The following MBD5 variants were observed in gnomAD, a reference collection of about 807,000 sequenced individuals.
The protein encoded by MBD5 is methyl-CpG-binding domain protein 5.
In MBD5, 13 loss-of-function variants were observed where a neutral mutation model predicts 117.3. That is an observed-to-expected ratio of 0.11 (90% CI 0.07 to 0.18). The LOEUF is 0.18. Among genes scored for constraint, MBD5 ranks in the 10% least tolerant of loss-of-function variants. The pLI, the probability that MBD5 is intolerant of heterozygous loss-of-function variation, is 1.00. For synonymous variants in MBD5, 727 were observed against 766.4 expected (o/e 0.95, Z 0.85); for missense variants, 1,879 against 2,093.8 (o/e 0.90, Z 2.00).
intron 2 of MBD5, among the ~76,000 whole-genome samples, chr2:148,188,086 G>A (rs1036705163): frequency 6.6e-6 from 1 of 152,172 alleles, no homozygotes; most frequent in African/African-American, 2.4e-5. Context: ...CTTATTGAGT[G>A]CCTACCCGAT....
intron 12 of MBD5, among the ~76,000 whole-genome samples, chr2:148,507,708 C>T (rs1173326028): frequency 6.7e-6 from 1 of 149,608 alleles, no homozygotes; most frequent in East Asian, 2.0e-4. Flanking sequence ...TGCAGTGAGC[C>T]GAGACTGCGC....
intron 3 of MBD5, among the ~76,000 whole-genome samples, chr2:148,236,364 A>T (rs1700092196): frequency 6.6e-6 from 1 of 152,146 alleles, no homozygotes. Context: ...TACATTTCTT[A>T]AGTAGACTTG....
At chr2:148,075,837 A>AT (rs1397501019) in intron 1 of MBD5, among the ~76,000 whole-genome samples, 2 of 152,186 alleles carry the variant, frequency 1.3e-5, no homozygotes, top group Non-Finnish European at 2.9e-5. Context: ...AGAGTTAAAT[A>AT]TACCAGTAAG....
chr2:148,274,597 G>A (rs1161327883), intron 3 of MBD5, among the ~76,000 whole-genome samples: 2 of 152,102 alleles, frequency 1.3e-5, no homozygotes, highest in Non-Finnish European at 2.9e-5. Flanking sequence ...AAGAAGGATG[G>A]TAAAATTTCT....
At chr2:148,333,951 G>A (rs1238775245) in intron 3 of MBD5, among the ~76,000 whole-genome samples, 3 of 152,132 alleles carry the variant, frequency 2.0e-5, no homozygotes, top group Non-Finnish European at 2.9e-5. Flanking sequence ...AGAGGGAAAA[G>A]TACTTGGCCA....
At chr2:148,201,394 C>G (rs1372275833) in intron 2 of MBD5, among the ~76,000 whole-genome samples, 3 of 152,266 alleles carry the variant, frequency 2.0e-5, no homozygotes, top group African/African-American at 7.2e-5. Context: ...CCCTGAAGCC[C>G]CAGAGGGGGA....
intron 1 of MBD5, among the ~76,000 whole-genome samples, chr2:148,122,993 CTGGGG>C (rs1377653276): frequency 1.3e-5 from 2 of 152,118 alleles, no homozygotes. Flanking sequence ...GATAGACAGG[CTGGGG>C]TGAGCAATGA....
At chr2:148,069,970 A>G (rs1695307532) in intron 1 of MBD5, among the ~76,000 whole-genome samples, 1 of 152,112 alleles carries the variant, frequency 6.6e-6, no homozygotes, top group African/African-American at 2.4e-5. Context: ...TCTTCAAGCT[A>G]TTTTGAAATA....
At chr2:148,418,166 G>C (rs972862551) in intron 4 of MBD5, among the ~76,000 whole-genome samples, 1 of 152,026 alleles carries the variant, frequency 6.6e-6, no homozygotes, top group African/African-American at 2.4e-5. Context: ...TTGCTGCTTT[G>C]AGTTTCTTGT....
intron 3 of MBD5, among the ~76,000 whole-genome samples, chr2:148,234,243 A>G (rs1307012469): frequency 2.6e-5 from 4 of 152,194 alleles, no homozygotes; most frequent in African/African-American, 9.6e-5. Context: ...GATTTCATAC[A>G]AAGAAACTAT....
At chr2:148,510,167 T>C in intron 13 of MBD5, 32 bp downstream of exon 13, 1 of 1,496,726 alleles carries the variant, frequency 6.7e-7, no homozygotes, top group Non-Finnish European at 9.3e-7. Context: ...TTATACTACG[T>C]TTCTTTGAAA....
At chr2:148,394,445 T>C (rs1704648320) in intron 4 of MBD5, among the ~76,000 whole-genome samples, 3 of 152,020 alleles carry the variant, frequency 2.0e-5, no homozygotes. Flanking sequence ...CATTTCTATC[T>C]TCAAATATTT....
In MBD5 at chr2:148,469,905, C is replaced by T. The variant is rs139953766; in HGVS notation, c.1962C>T (p.Asp654=). 40 of 1,613,938 alleles carry T rather than the reference C, an allele frequency of 2.5e-5. No individual in the cohort carries two copies. Among genetic ancestry groups the T allele is most frequent in the Middle Eastern group, 3.3e-4 (2 of 6,058 alleles). The change falls in exon 8 of 14, where the codon GAC becomes GAT. Residue 654 remains aspartate (D), a synonymous_variant. Coordinates refer to ENST00000642680, the MANE Select transcript of MBD5 (RefSeq NM_001378120.1). ...ATAAGCTGATGTCTCAGCAAAAAGA[C>T]GCATTGCGGAAAAGAAAACAACCAC... ...LRDKLMSQQK[D]ALRKRKQPPT...
intron 4 of MBD5, among the ~76,000 whole-genome samples, chr2:148,386,259 C>A (rs532670345): frequency 2.0e-5 from 3 of 152,108 alleles, no homozygotes; most frequent in Admixed American, 2.0e-4. Context: ...TACATTCAGC[C>A]AATGGGATCC....
intron 3 of MBD5, among the ~76,000 whole-genome samples, chr2:148,277,739 T>C (rs1701149234): frequency 6.6e-6 from 1 of 152,182 alleles, no homozygotes; most frequent in Non-Finnish European, 1.5e-5. Flanking sequence ...TATTGTCCTC[T>C]TTCTTCTTTC....
chr2:148,106,150 G>T, intron 1 of MBD5, among the ~76,000 whole-genome samples: 1 of 151,868 alleles, frequency 6.6e-6, no homozygotes, highest in African/African-American at 2.4e-5. Context: ...CTTTATATAA[G>T]GATAATTGTT....
chr2:148,452,632 T>A (rs1018338408), intron 4 of MBD5, among the ~76,000 whole-genome samples: 3 of 152,218 alleles, frequency 2.0e-5, no homozygotes, highest in Non-Finnish European at 4.4e-5. Flanking sequence ...AGCATCCTGT[T>A]GAAATATGTT....
At chr2:148,235,812 T>G (rs1700079797) in intron 3 of MBD5, among the ~76,000 whole-genome samples, 1 of 144,172 alleles carries the variant, frequency 6.9e-6, no homozygotes, top group African/African-American at 2.5e-5. Flanking sequence ...TTTTGGGGGG[T>G]GGCGGGGACA....
intron 4 of MBD5, among the ~76,000 whole-genome samples, chr2:148,410,996 C>T (rs1705229634): frequency 6.6e-6 from 1 of 152,026 alleles, no homozygotes; most frequent in Admixed American, 6.6e-5. Context: ...GTTTTTTGAC[C>T]TTCACCTTCC....
Sources: gnomAD v4.1 joint callset for allele counts (sites outside exome capture counted in the v4.1 genomes callset) on GRCh38, gnomAD v4.1.1 for gene constraint, MANE v1.5 for transcripts, NCBI Gene and HGNC (gene_info 2026-07-23, HGNC 2026-07-21) for gene names.